KIRREL3: variants seen among roughly 807,000 people sequenced by gnomAD.
KIRREL3 encodes kin of IRRE-like protein 3.
A neutral mutation model predicts 89.7 loss-of-function variants in KIRREL3; 36 were observed. The ratio of observed to expected loss-of-function variants is 0.40; its 90% CI spans 0.31 to 0.53. The LOEUF is 0.53. Among genes scored for constraint, KIRREL3 ranks in the 20% least tolerant of loss-of-function variants. The pLI is 0.49. For missense variants in KIRREL3, 864 were observed against 1,056.6 expected, an observed-to-expected ratio of 0.82 and a Z score of 2.53; for synonymous variants, 445 against 441.4, an observed-to-expected ratio of 1.01 and a Z score of -0.10.
rs931016704 is a variant in KIRREL3 at position 126,768,160 on chromosome 11, C to T, written c.56-205248G>A. Among the ~76,000 whole-genome samples the T allele has an allele frequency of 1.5e-5, 2 of 131,890 alleles. No homozygotes were observed. Among genetic ancestry groups the T allele is most frequent in the South Asian group, 5.6e-4 (2 of 3,560 alleles). The allele number at this position is 131,890 out of a possible 152,430, so 86.5% of individuals were successfully genotyped here. A position where few individuals can be genotyped will look rare whatever the true frequency, so the allele number is the denominator to read the frequency against. On this transcript the variant is annotated intron_variant, in intron 1 of 16. Coordinates refer to ENST00000525144, the MANE Select transcript of KIRREL3 (RefSeq NM_032531.4). The surrounding 1 kb of genome is among the most constrained non-coding windows in gnomAD (Gnocchi z 4.5). ...TCCATCCATCCATCCATCCATCCATCCATCCATCCAATCCATCCATCCATC... is the reference window on the plus strand; with the variant it reads ...TCCATCCATCCATCCATCCATCCATTCATCCATCCAATCCATCCATCCATC...
rs1009411815 is a variant in KIRREL3 at position 126,697,652 on chromosome 11, T to A, written c.56-134740A>T. Among the ~76,000 whole-genome samples the A allele has an allele frequency of 6.6e-6, 1 of 152,192 alleles. No individual in the cohort carries two copies. Among genetic ancestry groups the A allele is most frequent in the Non-Finnish European group, 1.5e-5 (1 of 68,026 alleles). The stretch of plus-strand genomic sequence containing the variant: ...GACCAACCCTAATAACCTGAACTCA[T>A]GTAAAAGTGGCTCTTTCCTCCCAGT... On this transcript the variant is annotated intron_variant, in intron 1 of 16. Transcript: ENST00000525144. The surrounding 1 kb of genome is among the most constrained non-coding windows in gnomAD (Gnocchi z 4.2).
intron 7 of KIRREL3, among the ~76,000 whole-genome samples, chr11:126,450,160 G>A (rs541518278): frequency 6.6e-6 from 1 of 152,190 alleles, no homozygotes; most frequent in Non-Finnish European, 1.5e-5. Flanking sequence ...CATGTATGTG[G>A]GTGTATGTGT....
intron 13 of KIRREL3, among the ~76,000 whole-genome samples, chr11:126,434,034 G>C (rs1233821710): frequency 1.3e-5 from 2 of 152,224 alleles, no homozygotes; most frequent in East Asian, 1.9e-4. Context: ...GGCAGGGGGA[G>C]AGCAGGGGGT....
At chr11:126,933,870 T>A (rs1282376437) in intron 1 of KIRREL3, among the ~76,000 whole-genome samples, 1 of 151,730 alleles carries the variant, frequency 6.6e-6, no homozygotes, top group African/African-American at 2.4e-5. Flanking sequence ...AATGTTAAGA[T>A]GACAATTCTT....
chr11:126,780,706 G>A lies in KIRREL3; in HGVS notation c.56-217794C>T, dbSNP rs1950302449. ...CAGGCCACCTGTGCTAGGCTGGCAGGTGTATCCAGGGCAGGATGTGAAAGC... is the reference window on the plus strand; with the variant it reads ...CAGGCCACCTGTGCTAGGCTGGCAGATGTATCCAGGGCAGGATGTGAAAGC... On this transcript the variant is annotated intron_variant, in intron 1 of 16. Transcript: ENST00000525144. This position sits in a 1 kb window ranked among gnomAD's most constrained non-coding sequence, Gnocchi z 5.3. Among the ~76,000 whole-genome samples, 1 of 152,326 alleles carries A rather than the reference G, an allele frequency of 6.6e-6. No individual in the cohort carries two copies. The highest frequency in any genetic ancestry group is 2.1e-4 in the South Asian group (1 of 4,832).
chr11:126,929,955 C>A (rs79047921), intron 1 of KIRREL3, among the ~76,000 whole-genome samples: 4 of 143,050 alleles, frequency 2.8e-5, no homozygotes, highest in East Asian at 2.1e-4. Flanking sequence ...GCCACCCCCC[C>A]CCCCCCACCT....
chr11:126,429,843 T>C lies in KIRREL3; in HGVS notation c.1697-555A>G, dbSNP rs1231312481. 6.6e-6 allele frequency among the ~76,000 whole-genome samples: 1 copy of C among 152,204 alleles called. No homozygotes were observed. Among genetic ancestry groups the C allele is most frequent in the African/African-American group, 2.4e-5 (1 of 41,448 alleles). On this transcript the variant is annotated intron_variant, in intron 14 of 16. Transcript: ENST00000525144. The surrounding 1 kb of genome is among the most constrained non-coding windows in gnomAD (Gnocchi z 5.2). Reference sequence around the variant, plus strand: ...GCTGTTTCTAGTTGGAGAGCTCTGTTAGAAAATTCTTGGCTGGGTGCGGTG... The same window carrying C: ...GCTGTTTCTAGTTGGAGAGCTCTGTCAGAAAATTCTTGGCTGGGTGCGGTG...
intron 1 of KIRREL3, among the ~76,000 whole-genome samples, chr11:126,679,621 C>A (rs766375999): frequency 1.8e-4 from 27 of 152,150 alleles, no homozygotes; most frequent in Non-Finnish European, 2.9e-4. Flanking sequence ...GTAGACAGTT[C>A]ATCTCAACAC....
chr11:126,835,120 T>G (rs1049040298), intron 1 of KIRREL3, among the ~76,000 whole-genome samples: 3 of 152,214 alleles, frequency 2.0e-5, no homozygotes, highest in Non-Finnish European at 4.4e-5. Context: ...TGAATTCTCC[T>G]GAAGACTTAT....
intron 1 of KIRREL3, among the ~76,000 whole-genome samples, chr11:126,960,119 G>A (rs1238400017): frequency 6.6e-6 from 1 of 152,098 alleles, no homozygotes; most frequent in Non-Finnish European, 1.5e-5. Flanking sequence ...ATGGGGTATA[G>A]GGAAGGAGGC....
At chr11:126,450,888 TG>T (rs1286163462) in intron 7 of KIRREL3, among the ~76,000 whole-genome samples, 2 of 146,790 alleles carry the variant, frequency 1.4e-5, no homozygotes, top group Admixed American at 1.3e-4. Flanking sequence ...CATGTGTGCA[TG>T]TGCGTGTGTG....
chr11:126,614,403 AG>A lies in KIRREL3; in HGVS notation c.56-51492del, dbSNP rs1200253729. The stretch of plus-strand genomic sequence containing the variant: ...TTTGCGCTGTTTTCTCAAGTGCAAA[AG>A]GAAAGGTTGAACTAAGATGGATGGG... On this transcript the variant is annotated intron_variant, in intron 1 of 16. Coordinates refer to ENST00000525144, the MANE Select transcript of KIRREL3 (RefSeq NM_032531.4). This position sits in a 1 kb window ranked among gnomAD's most constrained non-coding sequence, Gnocchi z 4.6. Among the ~76,000 whole-genome samples the A allele has an allele frequency of 6.6e-6, 1 of 152,128 alleles. No individual in the cohort carries two copies. The highest frequency in any genetic ancestry group is 2.4e-5 in the African/African-American group (1 of 41,426).
chr11:126,494,662 C>T (rs906557638), intron 4 of KIRREL3, among the ~76,000 whole-genome samples: 2 of 152,180 alleles, frequency 1.3e-5, no homozygotes, highest in Non-Finnish European at 2.9e-5. Flanking sequence ...TATTCTGTTC[C>T]CAGAGAGGGA....
intron 1 of KIRREL3, among the ~76,000 whole-genome samples, chr11:126,699,487 C>T (rs937159666): frequency 5.9e-5 from 9 of 151,926 alleles, no homozygotes; most frequent in Admixed American, 1.3e-4. Context: ...CCACACTCAG[C>T]GAGTAAAAAG....
chr11:126,451,075 GTGTGCGTGTGTGCATATGTGTCCA>G lies in KIRREL3; in HGVS notation c.849-1942_849-1919del, dbSNP rs1441594419. Reference sequence around the variant, plus strand: ...TGCATGTGTGCATGCATGTGCATGTGTGTGCGTGTGTGCATATGTGTCCATGTGCATGTGTGCATGTGTGTGTGT... The same window carrying G: ...TGCATGTGTGCATGCATGTGCATGTGTGTGCATGTGTGCATGTGTGTGTGT... On this transcript the variant is annotated intron_variant, in intron 7 of 16. Transcript: ENST00000525144. 4.3e-4 allele frequency among the ~76,000 whole-genome samples: 64 copies of G among 149,792 alleles called. 1 individual carries two copies. Among genetic ancestry groups the G allele is most frequent in the Non-Finnish European group, 8.9e-5 (6 of 67,748 alleles).
Position 126,807,580 on chromosome 11 carries a change from G to A in KIRREL3, c.55+192875C>T, listed in dbSNP as rs1441514190. Reference sequence around the variant, plus strand: ...AGGTTTCGTGCATTCATAGACACACGGAACCTCATGCAGGTACCCAATTAT... The same window carrying A: ...AGGTTTCGTGCATTCATAGACACACAGAACCTCATGCAGGTACCCAATTAT... On this transcript the variant is annotated intron_variant, in intron 1 of 16. Coordinates refer to ENST00000525144, the MANE Select transcript of KIRREL3 (RefSeq NM_032531.4). The surrounding 1 kb of genome is among the most constrained non-coding windows in gnomAD (Gnocchi z 4.3). Among the ~76,000 whole-genome samples, 1 of 152,186 alleles carries A rather than the reference G, an allele frequency of 6.6e-6. No individual in the cohort carries two copies. Among genetic ancestry groups the A allele is most frequent in the East Asian group, 1.9e-4 (1 of 5,202 alleles).
chr11:126,431,644 G>A lies in KIRREL3; in HGVS notation c.1589-118C>T. 9.9e-7 allele frequency: 1 copy of A among 1,005,050 alleles called. No individual in the cohort carries two copies. Among genetic ancestry groups the A allele is most frequent in the Non-Finnish European group, 1.5e-6 (1 of 678,680 alleles). 62.3% of individuals were successfully genotyped at this position (1,005,050 alleles called of 1,614,324 possible). ...GCCACATGGGGCCCTCCTGGGAAAT[G>A]CCTCAGTGGGGCCTGGGCAGGCACA... On this transcript the variant is annotated intron_variant, in intron 13 of 16. Coordinates refer to ENST00000525144, the MANE Select transcript of KIRREL3 (RefSeq NM_032531.4). This position sits in a 1 kb window ranked among gnomAD's most constrained non-coding sequence, Gnocchi z 7.1.
intron 1 of KIRREL3, among the ~76,000 whole-genome samples, chr11:126,926,697 C>T (rs533714696): frequency 1.3e-5 from 2 of 152,170 alleles, no homozygotes; most frequent in South Asian, 2.1e-4. Context: ...ATGAGCATTT[C>T]CCCCCTGCTC....
Position 126,579,986 on chromosome 11 carries a change from T to C in KIRREL3, c.56-17074A>G, listed in dbSNP as rs1045564731. 3.9e-5 allele frequency among the ~76,000 whole-genome samples: 6 copies of C among 152,054 alleles called. No homozygotes were observed. Among genetic ancestry groups the C allele is most frequent in the East Asian group, 3.9e-4 (2 of 5,138 alleles). On this transcript the variant is annotated intron_variant, in intron 1 of 16. Transcript: ENST00000525144. This position sits in a 1 kb window ranked among gnomAD's most constrained non-coding sequence, Gnocchi z 5.3. Reference sequence around the variant, plus strand: ...TCAGCCTCCCGAGTAGCTGGGACTATAGGCGCCCGCCACCATGCCAAGCTA... The same window carrying C: ...TCAGCCTCCCGAGTAGCTGGGACTACAGGCGCCCGCCACCATGCCAAGCTA...
Sources: gnomAD v4.1 joint callset for allele counts (sites outside exome capture counted in the v4.1 genomes callset) on GRCh38, gnomAD v4.1.1 for gene constraint, Gnocchi (gnomAD v3.1) non-coding constraint, MANE v1.5 for transcripts, NCBI Gene and HGNC (gene_info 2026-07-23, HGNC 2026-07-21) for gene names.